The following MACROD2 variants were observed in gnomAD, a reference collection of about 807,000 sequenced individuals.
MACROD2 encodes mono-ADP ribosylhydrolase 2.
A neutral mutation model predicts 70.4 loss-of-function variants in MACROD2; 36 were observed. That is an observed-to-expected ratio of 0.51 (90% confidence interval 0.39 to 0.68). The LOEUF (loss-of-function observed/expected upper bound fraction) is 0.68. Among genes scored for constraint, MACROD2 ranks in the 30% least tolerant of loss-of-function variants. MACROD2 has a pLI of 0.00. For synonymous variants in MACROD2, 172 were observed against 178.8 expected (o/e 0.96, Z 0.30); for missense variants, 496 against 538.4 (o/e 0.92, Z 0.78).
Position 15,443,521 on chromosome 20 carries a change from C to A in MACROD2, c.571+12086C>A, listed in dbSNP as rs569407275. Among the ~76,000 whole-genome samples, 3 of 152,222 alleles carry A rather than the reference C, an allele frequency of 2.0e-5. No individual in the cohort carries two copies. The South Asian group carries it at 6.2e-4, about 32-fold the overall frequency. On this transcript the variant is annotated intron_variant, in intron 7 of 17. Transcript: ENST00000684519. ...ATTGCCTCACTTTGTACTTTATTGA[C>A]CTGACTTCATTTCTAAATGTTTTAA...
intron 5 of MACROD2, among the ~76,000 whole-genome samples, chr20:14,922,262 T>C (rs1388798719): frequency 1.3e-5 from 2 of 152,182 alleles, no homozygotes; most frequent in Non-Finnish European, 2.9e-5. Flanking sequence ...CCCCAAGATC[T>C]TCTGTCTTTA....
intron 5 of MACROD2, among the ~76,000 whole-genome samples, chr20:15,035,431 T>TAA (rs33952792): frequency 6.6e-6 from 1 of 151,178 alleles, no homozygotes; most frequent in Non-Finnish European, 1.5e-5. Context: ...TAAAATAAAA[T>TAA]AATAAAATGT....
At chr20:15,754,427 A>C (rs1202524855) in intron 8 of MACROD2, among the ~76,000 whole-genome samples, 5 of 152,176 alleles carry the variant, frequency 3.3e-5, no homozygotes, top group Admixed American at 3.3e-4. Flanking sequence ...GTTCAAGACC[A>C]GCCTGGCCAA....
intron 3 of MACROD2, among the ~76,000 whole-genome samples, chr20:14,277,024 A>G (rs2082264821): frequency 6.6e-6 from 1 of 152,166 alleles, no homozygotes; most frequent in African/African-American, 2.4e-5. Context: ...GTGTCAGAAG[A>G]GTTACAATTG....
At chr20:14,481,693 T>C (rs1352635484) in intron 3 of MACROD2, among the ~76,000 whole-genome samples, 1 of 152,254 alleles carries the variant, frequency 6.6e-6, no homozygotes, top group East Asian at 1.9e-4. Context: ...AAAAAGAACA[T>C]TTGTTTGATG....
chr20:14,105,126 G>T (rs949021836), intron 3 of MACROD2, among the ~76,000 whole-genome samples: 4 of 152,064 alleles, frequency 2.6e-5, no homozygotes, highest in Non-Finnish European at 4.4e-5. Flanking sequence ...CACACCATTT[G>T]TCTCTCCTGT....
At chr20:14,877,210 GT>G (rs1395471555) in intron 5 of MACROD2, among the ~76,000 whole-genome samples, 3 of 151,980 alleles carry the variant, frequency 2.0e-5, no homozygotes, top group Non-Finnish European at 2.9e-5. Flanking sequence ...TATTTTTCAG[GT>G]GGCTATTTTA....
chr20:14,675,106 T>C (rs548881167), intron 4 of MACROD2, among the ~76,000 whole-genome samples: 7 of 152,076 alleles, frequency 4.6e-5, no homozygotes, highest in Non-Finnish European at 7.4e-5. Context: ...ATGGGGAGAA[T>C]AGAACCAAGT....
intron 8 of MACROD2, among the ~76,000 whole-genome samples, chr20:15,764,503 C>G (rs951298620): frequency 6.6e-6 from 1 of 152,154 alleles, no homozygotes; most frequent in Non-Finnish European, 1.5e-5. Context: ...AATGGCCTCA[C>G]CATTCACCCA....
At chr20:14,001,912 T>A (rs2052737716) in intron 1 of MACROD2, among the ~76,000 whole-genome samples, 1 of 152,194 alleles carries the variant, frequency 6.6e-6, no homozygotes, top group South Asian at 2.1e-4. Context: ...TACCTCCCAC[T>A]AGACACCATG....
intron 5 of MACROD2, among the ~76,000 whole-genome samples, chr20:15,144,606 A>C (rs949913416): frequency 2.6e-5 from 4 of 152,184 alleles, no homozygotes; most frequent in Non-Finnish European, 5.9e-5. Context: ...AGGTGGGGAA[A>C]TCACCAAAGT....
chr20:14,680,798 G>C (rs2070922770), intron 4 of MACROD2, among the ~76,000 whole-genome samples: 1 of 152,044 alleles, frequency 6.6e-6, no homozygotes, highest in Admixed American at 6.6e-5. Context: ...TACATGACTA[G>C]ATAAAATAGA....
At chr20:15,060,932 C>A (rs453626) in intron 5 of MACROD2, among the ~76,000 whole-genome samples, 24,433 of 152,148 alleles carry the variant, frequency 0.16, 2,647 homozygotes, top group Non-Finnish European at 0.23. Flanking sequence ...GAAGCTTAGC[C>A]TCATTACAAT....
At chr20:15,133,292 A>G (rs1189602414) in intron 5 of MACROD2, among the ~76,000 whole-genome samples, 4 of 152,160 alleles carry the variant, frequency 2.6e-5, no homozygotes, top group Admixed American at 2.0e-4. Flanking sequence ...AATTATTTGC[A>G]TAAATATCAA....
At chr20:15,300,535 A>T (rs1400563154) in intron 6 of MACROD2, among the ~76,000 whole-genome samples, 3 of 152,186 alleles carry the variant, frequency 2.0e-5, no homozygotes, top group African/African-American at 7.2e-5. Context: ...CTTGGGCTCT[A>T]CTCAGACCTA....
intron 3 of MACROD2, among the ~76,000 whole-genome samples, chr20:14,388,096 A>C (rs1209829362): frequency 1.4e-5 from 2 of 148,042 alleles, no homozygotes; most frequent in Non-Finnish European, 3.0e-5. Flanking sequence ...TGCAAGCTCC[A>C]CCTCCAGGGT....
chr20:15,130,763 C>G (rs895316232), intron 5 of MACROD2, among the ~76,000 whole-genome samples: 1 of 152,038 alleles, frequency 6.6e-6, no homozygotes, highest in Non-Finnish European at 1.5e-5. Flanking sequence ...TTCAACCTGC[C>G]TATTGCCTTA....
At chr20:14,190,522 C>T (rs1240396366) in intron 3 of MACROD2, among the ~76,000 whole-genome samples, 2 of 150,406 alleles carry the variant, frequency 1.3e-5, no homozygotes, top group Admixed American at 1.3e-4. Flanking sequence ...AAATTTGTCT[C>T]CTTTTGGTAA....
At chr20:14,987,837 T>C (rs2074863102) in intron 5 of MACROD2, among the ~76,000 whole-genome samples, 1 of 151,544 alleles carries the variant, frequency 6.6e-6, no homozygotes, top group Non-Finnish European at 1.5e-5. Context: ...CATTCATATG[T>C]CAGGACTTAA....
Sources: gnomAD v4.1 joint callset for allele counts (sites outside exome capture counted in the v4.1 genomes callset) on GRCh38, gnomAD v4.1.1 for gene constraint, MANE v1.5 for transcripts, NCBI Gene and HGNC (gene_info 2026-07-23, HGNC 2026-07-21) for gene names.